DTNB: variants seen among roughly 807,000 people sequenced by gnomAD.
DTNB encodes the protein dystrobrevin beta, also known as DTN-B.
Under a neutral mutation model 90.7 loss-of-function variants are expected in DTNB, and 63 were observed. The observed-to-expected ratio is 0.69, with a 90% CI of 0.57 to 0.86. DTNB has a LOEUF of 0.86. Ranked by LOEUF, DTNB falls within the 40% of genes least tolerant of loss-of-function variation. The pLI, the probability that DTNB is intolerant of heterozygous loss-of-function variation, is 0.00. For synonymous variants in DTNB, 277 were observed against 286.7 expected (o/e 0.97, Z 0.34); for missense variants, 744 against 807.1 (o/e 0.92, Z 0.95).
intron 1 of DTNB, among the ~76,000 whole-genome samples, chr2:25,653,803 C>T (rs1205416815): frequency 6.6e-6 from 1 of 152,032 alleles, no homozygotes; most frequent in Non-Finnish European, 1.5e-5. Flanking sequence ...TGAGCCACCA[C>T]GCTCAGCCCT....
In DTNB at chr2:25,453,132, G is replaced by A. The variant is rs1231478520; in HGVS notation, c.1170-1497C>T. 3.3e-5 allele frequency among the ~76,000 whole-genome samples: 5 copies of A among 152,132 alleles called. No individual in the cohort carries two copies. In the East Asian group the frequency reaches 9.6e-4, roughly 29 times the overall value. ...TAGCCGAAGAAGTGGGGCCTAAAGT[G>A]GCTGACCTCTGTTATCTGGCAAGGG... On this transcript the variant is annotated intron_variant, in intron 11 of 20. Transcript: ENST00000406818.
At chr2:25,600,704 A>G (rs1200307456) in intron 5 of DTNB, among the ~76,000 whole-genome samples, 1 of 152,220 alleles carries the variant, frequency 6.6e-6, no homozygotes, top group African/African-American at 2.4e-5. Flanking sequence ...ATATATGTAT[A>G]GCTTCACAAT....
intron 4 of DTNB, among the ~76,000 whole-genome samples, 188 bp downstream of exon 4, chr2:25,627,983 T>G (rs763997877): frequency 4.6e-5 from 7 of 152,102 alleles, no homozygotes; most frequent in Non-Finnish European, 7.4e-5. Flanking sequence ...TGATTTGCCC[T>G]CCTTGGCCTC....
intron 12 of DTNB, among the ~76,000 whole-genome samples, chr2:25,442,432 G>C (rs753046134): frequency 6.6e-6 from 1 of 152,168 alleles, no homozygotes; most frequent in African/African-American, 2.4e-5. Flanking sequence ...TATCATCCAA[G>C]ACCAATTAAA....
chr2:25,413,790 T>C (rs555039120), intron 16 of DTNB, among the ~76,000 whole-genome samples: 229 of 152,242 alleles, frequency 1.5e-3, no homozygotes, highest in Non-Finnish European at 2.6e-3. Flanking sequence ...TTTGGGTATA[T>C]ACCCAGTAAT....
chr2:25,379,874 GT>G, intron 19 of DTNB: 1 of 152,906 alleles, frequency 6.5e-6, no homozygotes, highest in Admixed American at 6.5e-5. Context: ...AGGGGAGACT[GT>G]GAAGGACACA....
rs138663525 is a variant in DTNB at position 25,622,917 on chromosome 2, T to C, written c.362+5254A>G. 5.3e-3 allele frequency among the ~76,000 whole-genome samples: 806 copies of C among 152,090 alleles called. 5 individuals are homozygous for C. The highest frequency in any genetic ancestry group is 0.018 in the African/African-American group (754 of 41,514). ...GATATATTACATATAGAAAATATAA[T>C]AGCTAAAGAAATAACAGATGGAATA... On this transcript the variant is annotated intron_variant, in intron 4 of 20. Transcript: ENST00000406818.
chr2:25,433,025 G>C (rs1230420834), intron 13 of DTNB, 26 bp from the exon 14 acceptor site: 5 of 1,572,090 alleles, frequency 3.2e-6, no homozygotes, highest in African/African-American at 1.3e-5. Flanking sequence ...GAACGGAAAG[G>C]GGCTGCACAG....
intron 10 of DTNB, among the ~76,000 whole-genome samples, chr2:25,478,559 A>T (rs2064225886): frequency 6.6e-6 from 1 of 150,702 alleles, no homozygotes; most frequent in Non-Finnish European, 1.5e-5. Context: ...GAGTCTCGCT[A>T]TGTTGCTGAG....
intron 10 of DTNB, among the ~76,000 whole-genome samples, chr2:25,465,439 A>G (rs981123995): frequency 3.3e-5 from 5 of 152,110 alleles, no homozygotes; most frequent in African/African-American, 1.2e-4. Context: ...TTACTGTACT[A>G]CTTTTGCAAC....
chr2:25,673,243 C>T (rs1459586493), intron 1 of DTNB, 143 bp downstream of exon 1: 1 of 151,912 alleles, frequency 6.6e-6, no homozygotes, highest in East Asian at 2.0e-4. Flanking sequence ...CCCGCGCCCT[C>T]CCCGACTCCT....
chr2:25,628,485 G>C (rs2074949342), intron 3 of DTNB, 101 bp from the exon 4 acceptor site: 1 of 1,127,396 alleles, frequency 8.9e-7, no homozygotes, highest in Non-Finnish European at 1.2e-6. Flanking sequence ...AGTTTAAAGA[G>C]AAGAAACTCT....
At chr2:25,441,302 C>A (rs1558537875) in intron 12 of DTNB, among the ~76,000 whole-genome samples, 1 of 152,164 alleles carries the variant, frequency 6.6e-6, no homozygotes, top group African/African-American at 2.4e-5. Context: ...CCTAAAGTAG[C>A]CTTACTCACA....
At chr2:25,488,465 G>A (rs984126586) in intron 9 of DTNB, among the ~76,000 whole-genome samples, 7 of 152,260 alleles carry the variant, frequency 4.6e-5, no homozygotes, top group Admixed American at 2.0e-4. Context: ...AATAGGATTT[G>A]AGTTTTGAAA....
At chr2:25,540,856 G>A (rs1261791820) in intron 8 of DTNB, among the ~76,000 whole-genome samples, 3 of 151,976 alleles carry the variant, frequency 2.0e-5, no homozygotes, top group East Asian at 1.9e-4. Flanking sequence ...TGCTCGTTAA[G>A]AGTCATCACC....
At position 25,629,635 on chromosome 2, in the gene DTNB, G is replaced by C. The variant is rs371242445; in HGVS notation, c.149-1251C>G. Among the ~76,000 whole-genome samples the C allele has an allele frequency of 3.7e-4, 57 of 152,284 alleles. 1 individual carries two copies. The South Asian group carries it at 0.011, about 30-fold the overall frequency. On this transcript the variant is annotated intron_variant, in intron 3 of 20. Coordinates refer to ENST00000406818, the MANE Select transcript of DTNB (RefSeq NM_021907.5). ...ACTTTATTCGTAACAGGAAAAAAAGGGGGGAGGGCGGAGCTTGGAAAACCA... is the reference window on the plus strand; with the variant it reads ...ACTTTATTCGTAACAGGAAAAAAAGCGGGGAGGGCGGAGCTTGGAAAACCA...
chr2:25,559,526 C>G (rs140852105), intron 8 of DTNB, among the ~76,000 whole-genome samples: 1 of 152,218 alleles, frequency 6.6e-6, no homozygotes. Flanking sequence ...CCCAAGTTGT[C>G]CCTCCTTCGC....
At chr2:25,502,562 C>T (rs910848853) in intron 9 of DTNB, among the ~76,000 whole-genome samples, 1 of 151,698 alleles carries the variant, frequency 6.6e-6, no homozygotes, top group Non-Finnish European at 1.5e-5. Context: ...GGCAACATGG[C>T]GAAACCCCAT....
At chr2:25,503,710 C>G (rs568972167) in intron 9 of DTNB, among the ~76,000 whole-genome samples, 1 of 149,826 alleles carries the variant, frequency 6.7e-6, no homozygotes, top group East Asian at 2.0e-4. Flanking sequence ...GTCAGGAGAT[C>G]GAGACCATCC....
Sources: allele counts gnomAD v4.1 joint callset (sites outside exome capture counted in the v4.1 genomes callset), GRCh38; gene constraint gnomAD v4.1.1; transcripts MANE v1.5; gene names NCBI Gene and HGNC (gene_info 2026-07-23, HGNC 2026-07-21).